The following ARSF variants were observed in gnomAD, a reference collection of about 807,000 sequenced individuals.
ARSF encodes the protein arylsulfatase F.
ARSF carries 33 observed loss-of-function variants against 35.4 expected under a neutral mutation model. The observed-to-expected ratio is 0.93, with a 90% confidence interval of 0.71 to 1.25. ARSF has a LOEUF of 1.25. Among genes scored for constraint, ARSF ranks in the 50% most tolerant of loss-of-function variants. The pLI is 0.00. For synonymous variants in ARSF, 222 were observed against 193.1 expected (o/e 1.15, Z -1.24); for missense variants, 501 against 480.2 (o/e 1.04, Z -0.40).
intron 7 of ARSF, among the ~76,000 whole-genome samples, chrX:3,093,348 G>C (rs1489588482): frequency 9.0e-6 from 1 of 111,546 alleles, no homozygotes; most frequent in Non-Finnish European, 1.9e-5. Flanking sequence ...AAGTACAATA[G>C]CTCCTGTCAC....
chrX:3,076,762 G>A, intron 4 of ARSF, 93 bp downstream of exon 4: 1 of 1,110,841 alleles, frequency 9.0e-7, no homozygotes, highest in Non-Finnish European at 1.2e-6. Context: ...AAGTAAAAAA[G>A]GGCTGGGCAC....
In ARSF at chrX:3,097,768, C is replaced by T. The variant is rs191446577; in HGVS notation, c.968-3319C>T. Among the ~76,000 whole-genome samples, 557 of 111,607 alleles carry T rather than the reference C, an allele frequency of 5.0e-3. 2 individuals are homozygous for T. The highest frequency in any genetic ancestry group is 0.033 in the Middle Eastern group (7 of 215). On this transcript the variant is annotated intron_variant, in intron 7 of 10. Coordinates refer to ENST00000381127, the MANE Select transcript of ARSF (RefSeq NM_001201539.2). Reference sequence around the variant, plus strand: ...TGTTTAGGCCAGGTGTGGTGGCTCACGCCTGTAATCCCAGCACTTTGGGAT... The same window carrying T: ...TGTTTAGGCCAGGTGTGGTGGCTCATGCCTGTAATCCCAGCACTTTGGGAT...
intron 7 of ARSF, 23 bp from the exon 8 acceptor site, chrX:3,101,064 T>C: frequency 1.7e-6 from 2 of 1,202,026 alleles, no homozygotes; most frequent in Non-Finnish European, 2.3e-6. Flanking sequence ...TTATTTTTAC[T>C]TGTCTCTTGT....
At chrX:3,081,736 C>T (rs772006843) in intron 5 of ARSF, among the ~76,000 whole-genome samples, 72 of 111,258 alleles carry the variant, frequency 6.5e-4, no homozygotes, top group Non-Finnish European at 7.2e-4. Flanking sequence ...AGTCTCTCAC[C>T]GTGTATCCTG....
intron 1 of ARSF, among the ~76,000 whole-genome samples, chrX:3,066,639 T>C (rs1188119817): frequency 1.8e-5 from 2 of 111,923 alleles, no homozygotes; most frequent in African/African-American, 6.5e-5. Flanking sequence ...TGATGTGCTG[T>C]TGTTTTTCTT....
At chrX:3,092,962 G>A (rs113086406) in intron 7 of ARSF, among the ~76,000 whole-genome samples, 16 of 111,866 alleles carry the variant, frequency 1.4e-4, no homozygotes, top group African/African-American at 5.2e-4. Flanking sequence ...AACGAGTTCA[G>A]GCAATCAAAA....
At chrX:3,072,963 C>T (rs184915828) in intron 3 of ARSF, among the ~76,000 whole-genome samples, 2,160 of 99,035 alleles carry the variant, frequency 0.022, 25 homozygotes, top group Middle Eastern at 0.057. Flanking sequence ...ATATGTTATT[C>T]ATATATACAT....
chrX:3,084,609 T>A lies in ARSF; in HGVS notation c.773T>A (p.Met258Lys), dbSNP rs764739664. Reference protein sequence around the residue: ...MRGHEITEQPMKAERAGSIMV... With the variant: ...MRGHEITEQPKKAERAGSIMV... ...GGGCACGAGATCACGGAGCAGCCCA[T>A]GAAGGCTGAACGAGCTGGATCCATT... Residue 258 changes from methionine (M) to lysine (K), a missense_variant, in exon 6 of 11, where the codon ATG (methionine) becomes AAG (lysine). Physicochemically the swap from Met to Lys is moderately conservative, Grantham distance 95. Transcript: ENST00000381127. 8.3e-7 allele frequency: 1 copy of A among 1,203,635 alleles called. No individual in the cohort carries two copies. The highest frequency in any genetic ancestry group is 2.2e-5 in the Admixed American group (1 of 45,267).
chrX:3,057,916 G>A (rs7065640), intron 1 of ARSF, among the ~76,000 whole-genome samples: 6,873 of 111,393 alleles, frequency 0.062, 265 homozygotes, highest in African/African-American at 0.14. Flanking sequence ...TGAACAATTT[G>A]GGTGAAGTCA....
intron 9 of ARSF, 137 bp downstream of exon 9, chrX:3,104,061 G>C: frequency 1.7e-6 from 1 of 593,379 alleles, no homozygotes; most frequent in East Asian, 3.6e-5. Flanking sequence ...CTTCCTATAT[G>C]ACTGTGTCTA....
At position 3,093,930 on chromosome X, in the gene ARSF, T is replaced by C. The variant is rs751596986; in HGVS notation, c.967+4298T>C. ...TCTTTTATTTTTTTGACTTATTGGG[T>C]TCGTGCAAAAGTAACTGAGGTCTTT... On this transcript the variant is annotated intron_variant, in intron 7 of 10. Transcript: ENST00000381127. Among the ~76,000 whole-genome samples, 190 of 111,851 alleles carry C rather than the reference T, an allele frequency of 1.7e-3. 2 individuals carry two copies. Among genetic ancestry groups the C allele is most frequent in the Non-Finnish European group, 2.7e-3 (143 of 53,139 alleles).
chrX:3,092,174 TAG>T (rs2090297332), intron 7 of ARSF, among the ~76,000 whole-genome samples: 1 of 103,898 alleles, frequency 9.6e-6, no homozygotes, highest in South Asian at 4.3e-4. Context: ...AGATGATAGA[TAG>T]ATACATACAT....
chrX:3,106,285 G>A (rs1203370295), intron 9 of ARSF, among the ~76,000 whole-genome samples: 2 of 111,976 alleles, frequency 1.8e-5, no homozygotes, highest in African/African-American at 3.2e-5. Context: ...CGTACAGGTC[G>A]GCGTGCCGGG....
intron 2 of ARSF, among the ~76,000 whole-genome samples, chrX:3,069,697 C>G: frequency 9.2e-6 from 1 of 108,737 alleles, no homozygotes; most frequent in South Asian, 3.8e-4. Context: ...TTTTTTCTTT[C>G]TTTTTAAATT....
intron 7 of ARSF, 93 bp downstream of exon 7, chrX:3,089,725 G>A (rs1263691638): frequency 4.1e-5 from 41 of 993,070 alleles, no homozygotes; most frequent in Non-Finnish European, 5.5e-5. Context: ...AGAGTGAAGA[G>A]AATTATGCCT....
chrX:3,089,500 A>G lies in ARSF; in HGVS notation c.835A>G (p.Ser279Gly). ...KEAISFLERH[S>G]KETFLLFFSF... The stretch of plus-strand genomic sequence containing the variant: ...GTTTCATTGATGTCTTCTCAGGCAC[A>G]GTAAGGAAACTTTCCTTCTCTTTTT... Residue 279 changes from serine (S) to glycine (G), a missense_variant, in exon 7 of 11, where the codon AGT becomes GGT. By Grantham distance (56) the Ser-to-Gly change is moderately conservative. Coordinates refer to ENST00000381127, the MANE Select transcript of ARSF (RefSeq NM_001201539.2). The G allele has an allele frequency of 1.7e-6, 2 of 1,211,388 alleles. No homozygotes were observed. Among genetic ancestry groups the G allele is most frequent in the Non-Finnish European group, 2.2e-6 (2 of 895,127 alleles).
chrX:3,112,143 T>C (rs1164828824), intron 10 of ARSF, 31 bp from the exon 11 acceptor site: 1 of 1,139,063 alleles, frequency 8.8e-7, no homozygotes, highest in Non-Finnish European at 1.2e-6. Context: ...GAAGTGCGCA[T>C]CATTTGACGA....
chrX:3,055,855 C>T (rs1353896266), intron 1 of ARSF, among the ~76,000 whole-genome samples: 1 of 111,524 alleles, frequency 9.0e-6, no homozygotes, highest in African/African-American at 3.3e-5. Flanking sequence ...TCCTCTTTCC[C>T]TGACCAATGC....
chrX:3,087,449 C>T (rs991997339), intron 6 of ARSF, among the ~76,000 whole-genome samples: 3 of 110,206 alleles, frequency 2.7e-5, no homozygotes, highest in African/African-American at 9.9e-5. Flanking sequence ...TGGCCTTCCC[C>T]TCTGTGTTTG....
Sources: gnomAD v4.1 joint callset for allele counts (sites outside exome capture counted in the v4.1 genomes callset) on GRCh38, gnomAD v4.1.1 for gene constraint, MANE v1.5 for transcripts, NCBI Gene and HGNC (gene_info 2026-07-23, HGNC 2026-07-21) for gene names.